The following IGSF5 variants were observed in gnomAD, a reference collection of about 807,000 sequenced individuals.
The protein encoded by IGSF5 is immunoglobulin superfamily 5 like.
In IGSF5, 41 loss-of-function variants were observed where a neutral mutation model predicts 39.4. The observed-to-expected ratio is 1.04, with a 90% CI of 0.81 to 1.35. IGSF5 has a LOEUF of 1.35. Among genes scored for constraint, IGSF5 ranks in the 40% most tolerant of loss-of-function variants. The pLI, the probability that IGSF5 is intolerant of heterozygous loss-of-function variation, is 0.00. For synonymous variants in IGSF5, 183 were observed against 175.3 expected (o/e 1.04, Z -0.34); for missense variants, 487 against 494.6 (o/e 0.98, Z 0.15).
intron 3 of IGSF5, among the ~76,000 whole-genome samples, chr21:39,767,462 T>C (rs1337635594): frequency 6.6e-6 from 1 of 152,214 alleles, no homozygotes; most frequent in Non-Finnish European, 1.5e-5. Flanking sequence ...TGACAATGTG[T>C]GACCTGGGAC....
At chr21:39,774,410 C>T (rs1165056508) in intron 4 of IGSF5, among the ~76,000 whole-genome samples, 1 of 152,204 alleles carries the variant, frequency 6.6e-6, no homozygotes. Context: ...CCCTGCAAGT[C>T]GTTGAAACAG....
the IGSF5 span, among the ~76,000 whole-genome samples, chr21:39,717,208 G>A: frequency 6.6e-6 from 1 of 152,048 alleles, no homozygotes; most frequent in African/African-American, 2.4e-5. Flanking sequence ...TTTTTCTCTT[G>A]TAAATTTAAG....
the IGSF5 span, among the ~76,000 whole-genome samples, chr21:39,735,132 G>A: frequency 4.6e-5 from 7 of 152,102 alleles, no homozygotes; most frequent in Non-Finnish European, 8.8e-5. Flanking sequence ...CTCCCAAAGT[G>A]CTGAGATTAC....
chr21:39,794,770 A>G (rs1381087833), intron 8 of IGSF5, among the ~76,000 whole-genome samples: 3 of 152,086 alleles, frequency 2.0e-5, no homozygotes, highest in African/African-American at 7.2e-5. Context: ...TTGTTCTGCT[A>G]GGAGCTGCTT....
chr21:39,751,196 C>G (rs1212827816), intron 2 of IGSF5: 1 of 152,276 alleles, frequency 6.6e-6, no homozygotes, highest in East Asian at 1.9e-4. Context: ...GGTGAGGCAG[C>G]ATCAGGACTC....
intron 2 of IGSF5, among the ~76,000 whole-genome samples, chr21:39,765,064 C>A (rs1254682005): frequency 6.6e-6 from 1 of 152,154 alleles, no homozygotes. Flanking sequence ...CTTGTAGATG[C>A]ATCACTCCAG....
At chr21:39,761,852 G>C (rs73367545) in intron 2 of IGSF5, among the ~76,000 whole-genome samples, 9,135 of 152,134 alleles carry the variant, frequency 0.06, 399 homozygotes, top group East Asian at 0.22. Flanking sequence ...TTTTTTTGTA[G>C]AGATGGGATA....
intron 5 of IGSF5, among the ~76,000 whole-genome samples, chr21:39,787,096 CTTAAAGTA>C (rs2086926556): frequency 6.6e-6 from 1 of 151,932 alleles, no homozygotes; most frequent in Admixed American, 6.6e-5. Flanking sequence ...TACCCGAAAA[CTTAAAGTA>C]TTAAAAAAAA....
chr21:39,783,576 T>C (rs1396612918), intron 5 of IGSF5, among the ~76,000 whole-genome samples: 1 of 152,220 alleles, frequency 6.6e-6, no homozygotes, highest in African/African-American at 2.4e-5. Context: ...TGCATTGTTT[T>C]TTTGCTGTCG....
chr21:39,779,856 T>G (rs764099477), intron 5 of IGSF5, among the ~76,000 whole-genome samples: 18 of 152,170 alleles, frequency 1.2e-4, no homozygotes, highest in Admixed American at 1.1e-3. Flanking sequence ...AAAGCCAAGC[T>G]CATGGAAACA....
At chr21:39,747,545 T>A (rs2079981714) in intron 2 of IGSF5, among the ~76,000 whole-genome samples, 2 of 152,218 alleles carry the variant, frequency 1.3e-5, no homozygotes, top group South Asian at 4.1e-4. Flanking sequence ...ATTAATTACT[T>A]AGGAATGACG....
At chr21:39,713,501 ACTTGT>A in the IGSF5 span, among the ~76,000 whole-genome samples, 1 of 151,972 alleles carries the variant, frequency 6.6e-6, no homozygotes, top group Non-Finnish European at 1.5e-5. Context: ...TCCTGTTGAG[ACTTGT>A]CTTAACTGCC....
intron 8 of IGSF5, among the ~76,000 whole-genome samples, chr21:39,799,825 A>G (rs964242064): frequency 6.6e-6 from 1 of 152,218 alleles, no homozygotes; most frequent in Non-Finnish European, 1.5e-5. Flanking sequence ...ACGTAAATGA[A>G]AAAATAGAAA....
chr21:39,800,187 A>G (rs922926701), intron 8 of IGSF5, among the ~76,000 whole-genome samples: 15 of 152,316 alleles, frequency 9.8e-5, no homozygotes, highest in African/African-American at 3.6e-4. Flanking sequence ...ATTTTGGCGA[A>G]TATTTAAAAC....
At chr21:39,766,673 A>G (rs910013152) in intron 3 of IGSF5, among the ~76,000 whole-genome samples, 1 of 152,236 alleles carries the variant, frequency 6.6e-6, no homozygotes, top group East Asian at 1.9e-4. Flanking sequence ...AATGTTACAC[A>G]GTAAAAAAGT....
the IGSF5 span, among the ~76,000 whole-genome samples, chr21:39,719,698 T>C: frequency 1.3e-5 from 2 of 152,190 alleles, no homozygotes; most frequent in Admixed American, 6.5e-5. Flanking sequence ...CACACCACTC[T>C]CACTAAGGGT....
the IGSF5 span, among the ~76,000 whole-genome samples, chr21:39,726,461 T>C: frequency 6.6e-6 from 1 of 152,042 alleles, no homozygotes; most frequent in African/African-American, 2.4e-5. Context: ...GGCCTCTGGG[T>C]GCCGCATCCG....
intron 5 of IGSF5, 139 bp from the exon 6 acceptor site, chr21:39,788,028 G>A: frequency 1.5e-6 from 1 of 651,794 alleles, no homozygotes; most frequent in Non-Finnish European, 2.7e-6. Context: ...TTTGGTATGG[G>A]AAAACTTAAT....
At chr21:39,781,083 AG>A (rs1214677022) in intron 5 of IGSF5, among the ~76,000 whole-genome samples, 3 of 152,212 alleles carry the variant, frequency 2.0e-5, no homozygotes, top group African/African-American at 7.2e-5. Flanking sequence ...TGCATGGACT[AG>A]CCTTAACTAA....
Sources: gnomAD v4.1 joint callset for allele counts (sites outside exome capture counted in the v4.1 genomes callset) on GRCh38, gnomAD v4.1.1 for gene constraint, MANE v1.5 for transcripts, NCBI Gene and HGNC (gene_info 2026-07-23, HGNC 2026-07-21) for gene names.